RELN: variants seen among roughly 807,000 people sequenced by gnomAD.
RELN encodes reelin.
A neutral mutation model predicts 427.6 loss-of-function variants in RELN; 108 were observed. The observed-to-expected ratio is 0.25, with a 90% CI of 0.22 to 0.30. RELN has a LOEUF of 0.30. RELN is among the 10% of genes least tolerant of loss of function. RELN has a pLI of 1.00. For missense variants in RELN, 3,715 were observed against 4,302.8 expected (o/e 0.86, Z 3.82); for synonymous variants, 1,524 against 1,513.4 (o/e 1.01, Z -0.16).
chr7:103,922,602 C>A (rs1438850980), intron 1 of RELN, among the ~76,000 whole-genome samples: 2 of 152,112 alleles, frequency 1.3e-5, no homozygotes, highest in Non-Finnish European at 2.9e-5. Flanking sequence ...TGACACAATT[C>A]AATTCTTATC....
intron 1 of RELN, among the ~76,000 whole-genome samples, chr7:103,956,085 CAT>C (rs1346019648): frequency 6.6e-6 from 1 of 152,176 alleles, no homozygotes; most frequent in East Asian, 1.9e-4. Context: ...CCCAGCATCT[CAT>C]GTGTGTTCCA....
At chr7:103,890,500 G>A (rs2116589074) in intron 2 of RELN, among the ~76,000 whole-genome samples, 1 of 152,218 alleles carries the variant, frequency 6.6e-6, no homozygotes, top group Non-Finnish European at 1.5e-5. Context: ...AAGGGATCTA[G>A]GTTGTGTACT....
rs184368210 is a variant in RELN at position 103,983,266 on chromosome 7, A to T, written c.226+5865T>A. Among the ~76,000 whole-genome samples the T allele has an allele frequency of 1.9e-4, 29 of 152,318 alleles. 1 individual carries two copies. Among genetic ancestry groups the T allele is most frequent in the Admixed American group, 1.6e-3 (25 of 15,306 alleles). ...GAGAGGATAGAATAAAAAAGAAAAA[A>T]ATAGGTATAGTTTTAGAGAAGCACA... On this transcript the variant is annotated intron_variant, in intron 1 of 64. Transcript: ENST00000428762.
At position 103,593,662 on chromosome 7, in the gene RELN, A is replaced by C; in HGVS notation, c.3912+20T>G. 6.2e-7 allele frequency: 1 copy of C among 1,601,510 alleles called. No homozygotes were observed. Among genetic ancestry groups the C allele is most frequent in the Non-Finnish European group, 8.6e-7 (1 of 1,168,644 alleles). On this transcript the variant is annotated intron_variant, in intron 27 of 64. Transcript: ENST00000428762. ...TTTTACTCCTTAACTTGCTCTGGGA[A>C]GAAGCTTGTGCATAAATACCTTGAA... is the stretch of plus-strand genomic sequence containing the variant.
At chr7:103,621,323 A>G (rs1462691478) in intron 20 of RELN, among the ~76,000 whole-genome samples, 2 of 152,268 alleles carry the variant, frequency 1.3e-5, no homozygotes, top group Non-Finnish European at 2.9e-5. Context: ...TATTAAATTT[A>G]GCAATTAATG....
intron 10 of RELN, among the ~76,000 whole-genome samples, chr7:103,690,497 T>C (rs727708): frequency 0.47 from 71,836 of 151,994 alleles, 17,371 homozygotes; most frequent in South Asian, 0.62. Context: ...CTGCAGATGA[T>C]GAGCTGATAC....
intron 11 of RELN, among the ~76,000 whole-genome samples, chr7:103,680,795 C>A (rs1406961723): frequency 6.6e-6 from 1 of 152,008 alleles, no homozygotes; most frequent in Non-Finnish European, 1.5e-5. Flanking sequence ...AGCTGTACTG[C>A]ACATGAAACT....
At chr7:103,631,286 CTTTTTTTTTTTTTTT>C (rs545808640) in intron 19 of RELN, among the ~76,000 whole-genome samples, 3 of 77,812 alleles carry the variant, frequency 3.9e-5, no homozygotes, top group African/African-American at 1.5e-4. Flanking sequence ...AAAAACACTT[CTTTTTTTTTTTTTTT>C]TTTTTTTTTT....
chr7:103,581,314 T>C (rs1482414512), intron 28 of RELN, among the ~76,000 whole-genome samples: 1 of 152,170 alleles, frequency 6.6e-6, no homozygotes, highest in East Asian at 1.9e-4. Flanking sequence ...TTGTTTATTA[T>C]TATTATTTTT....
intron 2 of RELN, among the ~76,000 whole-genome samples, chr7:103,909,603 T>C (rs2891642): frequency 7.6e-6 from 1 of 130,836 alleles, no homozygotes; most frequent in African/African-American, 2.9e-5. Flanking sequence ...CAAGACTTCA[T>C]CTCAAAAACA....
chr7:103,537,257 C>T (rs1830073969), intron 45 of RELN, among the ~76,000 whole-genome samples: 1 of 152,054 alleles, frequency 6.6e-6, no homozygotes, highest in Non-Finnish European at 1.5e-5. Context: ...TTATCTATTC[C>T]ATGTCTCTTC....
intron 2 of RELN, among the ~76,000 whole-genome samples, chr7:103,892,565 A>G (rs369306112): frequency 1.7e-4 from 26 of 152,174 alleles, no homozygotes; most frequent in East Asian, 1.5e-3. Context: ...ACTTTTTTAT[A>G]AGATCACAAC....
In RELN at chr7:103,952,279, T is replaced by G. The variant is rs572489763; in HGVS notation, c.227-35094A>C. On this transcript the variant is annotated intron_variant, in intron 1 of 64. Coordinates refer to ENST00000428762, the MANE Select transcript of RELN (RefSeq NM_005045.4). ...TCAGTCTGATTCTTTGGGTCACCCT[T>G]CAGTCTACCAAGTCAGGAAATGGGA... Among the ~76,000 whole-genome samples, 22 of 152,358 alleles carry G rather than the reference T, an allele frequency of 1.4e-4. No individual in the cohort carries two copies. The Middle Eastern group carries it at 0.014, about 94-fold the overall frequency.
At chr7:103,798,271 A>G (rs192631264) in intron 3 of RELN, among the ~76,000 whole-genome samples, 2 of 152,354 alleles carry the variant, frequency 1.3e-5, no homozygotes, top group East Asian at 3.9e-4. Context: ...GATTAAGAAC[A>G]TGAGCTCTGC....
chr7:103,931,745 T>C (rs1318456564), intron 1 of RELN, among the ~76,000 whole-genome samples: 3 of 152,190 alleles, frequency 2.0e-5, no homozygotes, highest in African/African-American at 7.2e-5. Flanking sequence ...ATGTCATACT[T>C]CTGCCTCTTC....
intron 2 of RELN, among the ~76,000 whole-genome samples, chr7:103,878,735 T>C (rs1794541256): frequency 6.6e-6 from 1 of 152,192 alleles, no homozygotes; most frequent in Non-Finnish European, 1.5e-5. Flanking sequence ...AGTAAAGAAA[T>C]AATGTCTAAT....
At chr7:103,869,758 C>G (rs1250643545) in intron 2 of RELN, among the ~76,000 whole-genome samples, 1 of 152,138 alleles carries the variant, frequency 6.6e-6, no homozygotes, top group Non-Finnish European at 1.5e-5. Context: ...ATAACATTTG[C>G]TGAGCTTCTT....
chr7:103,536,654 C>T (rs1426362353), intron 45 of RELN, among the ~76,000 whole-genome samples: 1 of 152,222 alleles, frequency 6.6e-6, no homozygotes, highest in African/African-American at 2.4e-5. Context: ...TTATTGATTA[C>T]TCCCTGATTC....
intron 3 of RELN, among the ~76,000 whole-genome samples, chr7:103,793,371 A>T (rs1047372028): frequency 1.3e-5 from 2 of 152,224 alleles, no homozygotes; most frequent in Non-Finnish European, 1.5e-5. Flanking sequence ...AAATTAAAGA[A>T]TTGAAGTAAC....
Sources: allele counts gnomAD v4.1 joint callset (sites outside exome capture counted in the v4.1 genomes callset), GRCh38; gene constraint gnomAD v4.1.1; transcripts MANE v1.5; gene names NCBI Gene and HGNC (gene_info 2026-07-23, HGNC 2026-07-21).